Variants in ZFP1 observed in about 807,000 individuals in gnomAD.
The protein encoded by ZFP1 is ZFP1 zinc finger protein, also known as zinc finger protein 1 homolog.
A neutral mutation model predicts 38.5 loss-of-function variants in ZFP1; 32 were observed. The observed-to-expected ratio is 0.83, with a 90% CI of 0.63 to 1.12. The LOEUF is 1.12. Ranked by LOEUF, ZFP1 falls within the 50% of genes most tolerant of loss-of-function variation. The pLI is 0.00. For synonymous variants in ZFP1, 245 were observed against 168.8 expected, an observed-to-expected ratio of 1.45 and a Z score of -3.50; for missense variants, 616 against 480.8, an observed-to-expected ratio of 1.28 and a Z score of -2.63.
At chr16:75,127,752 G>A in the ZFP1 span, 1 of 152,158 alleles carries the variant, frequency 6.6e-6, no homozygotes, top group Admixed American at 6.6e-5. Context: ...TTAACTGCAT[G>A]GACTAAACTA....
chr16:75,127,446 A>G, the ZFP1 span, among the ~76,000 whole-genome samples: 47,876 of 151,920 alleles, frequency 0.32, 7,748 homozygotes, highest in Non-Finnish European at 0.34. Context: ...TCAGTCTCCC[A>G]AGTAGCTGGG....
At chr16:75,133,748 G>T in the ZFP1 span, among the ~76,000 whole-genome samples, 1 of 152,170 alleles carries the variant, frequency 6.6e-6, no homozygotes, top group African/African-American at 2.4e-5. Flanking sequence ...GTACATTTTA[G>T]AATAAGTTTT....
At chr16:75,150,126 A>G (rs2037114996) in intron 1 of ZFP1, among the ~76,000 whole-genome samples, 1 of 151,748 alleles carries the variant, frequency 6.6e-6, no homozygotes. Context: ...AAATTTTTTT[A>G]ACTTCCCTTG....
chr16:75,163,103 T>C (rs1401048850), intron 2 of ZFP1, among the ~76,000 whole-genome samples: 1 of 151,226 alleles, frequency 6.6e-6, no homozygotes, highest in East Asian at 2.0e-4. Context: ...AGAGACGGGG[T>C]TCGCCATGTT....
chr16:75,132,847 A>G, the ZFP1 span, among the ~76,000 whole-genome samples: 297 of 149,454 alleles, frequency 2.0e-3, 3 homozygotes, highest in African/African-American at 7.1e-3. Context: ...TTTAGTAGAG[A>G]TGAAGTTTCA....
At chr16:75,158,041 G>A (rs181600917) in intron 2 of ZFP1, among the ~76,000 whole-genome samples, 87 of 151,936 alleles carry the variant, frequency 5.7e-4, no homozygotes, top group Non-Finnish European at 1.0e-3. Flanking sequence ...GTCTACCTCA[G>A]CCTCCCAAAG....
chr16:75,158,787 ATAT>A (rs1214560725), intron 2 of ZFP1, among the ~76,000 whole-genome samples: 1 of 151,492 alleles, frequency 6.6e-6, no homozygotes, highest in Non-Finnish European at 1.5e-5. Context: ...CACCTCTTTA[ATAT>A]TTTGCATATT....
At chr16:75,167,253 C>T (rs146832326) in intron 3 of ZFP1, among the ~76,000 whole-genome samples, 235 of 152,242 alleles carry the variant, frequency 1.5e-3, no homozygotes, top group Non-Finnish European at 2.6e-3. Context: ...AGTATCCAGA[C>T]GATTATGAGC....
the ZFP1 span, among the ~76,000 whole-genome samples, chr16:75,122,518 A>T: frequency 2.0e-5 from 3 of 152,228 alleles, no homozygotes; most frequent in Non-Finnish European, 4.4e-5. Context: ...TAAACTTTAA[A>T]ATGGAGAATC....
At position 75,172,123 on chromosome 16, in the gene ZFP1, G is replaced by A. The variant is rs2038467898; in HGVS notation, c.*1789G>A. ...TGAATGGTATTTCCTTGAAAAGAAT[G>A]TGTGGGAACAAACTCCAAACTTCTC... On this transcript the variant is annotated 3_prime_UTR_variant, in exon 4 of 4. Transcript: ENST00000570010. 6.6e-6 allele frequency: 1 copy of A among 152,218 alleles called. No individual in the cohort carries two copies. Among genetic ancestry groups the A allele is most frequent in the Non-Finnish European group, 1.5e-5 (1 of 68,036 alleles). 9.4% of individuals were successfully genotyped at this position (152,218 alleles called of 1,614,324 possible).
the ZFP1 span, among the ~76,000 whole-genome samples, chr16:75,138,429 G>C: frequency 6.6e-6 from 1 of 152,142 alleles, no homozygotes; most frequent in South Asian, 2.1e-4. Flanking sequence ...CTTTATAGTG[G>C]AGACACACCT....
At chr16:75,125,084 C>A in the ZFP1 span, among the ~76,000 whole-genome samples, 2 of 151,756 alleles carry the variant, frequency 1.3e-5, no homozygotes, top group South Asian at 2.1e-4. Flanking sequence ...CATGGTGAAA[C>A]CCCATCTGTA....
intron 2 of ZFP1, among the ~76,000 whole-genome samples, chr16:75,164,000 G>A (rs562289825): frequency 6.6e-6 from 1 of 152,170 alleles, no homozygotes; most frequent in Non-Finnish European, 1.5e-5. Flanking sequence ...TTTGTGTGGG[G>A]TATCCATGCT....
At chr16:75,156,975 A>G (rs150341608) in intron 2 of ZFP1, among the ~76,000 whole-genome samples, 5 of 152,208 alleles carry the variant, frequency 3.3e-5, no homozygotes, top group Admixed American at 6.5e-5. Flanking sequence ...GTTGATGACA[A>G]CCCTCAGAAT....
At chr16:75,133,433 G>A in the ZFP1 span, among the ~76,000 whole-genome samples, 4 of 151,986 alleles carry the variant, frequency 2.6e-5, no homozygotes, top group Admixed American at 6.6e-5. Flanking sequence ...ACCCTCCACC[G>A]TCAGATAGAC....
At chr16:75,124,979 G>C in the ZFP1 span, among the ~76,000 whole-genome samples, 2 of 150,602 alleles carry the variant, frequency 1.3e-5, no homozygotes, top group Non-Finnish European at 2.9e-5. Context: ...AAAGAGGAAT[G>C]GGCTGGGCTC....
chr16:75,154,959 C>T (rs1374617072), intron 2 of ZFP1, among the ~76,000 whole-genome samples: 3 of 151,896 alleles, frequency 2.0e-5, no homozygotes, highest in Non-Finnish European at 4.4e-5. Flanking sequence ...CACCATAGCC[C>T]AGCTAATTTT....
chr16:75,138,831 G>A, the ZFP1 span, among the ~76,000 whole-genome samples: 2 of 152,142 alleles, frequency 1.3e-5, no homozygotes, highest in Non-Finnish European at 2.9e-5. Flanking sequence ...TTAGACTTCC[G>A]TTCTCCAGAA....
intron 2 of ZFP1, among the ~76,000 whole-genome samples, chr16:75,156,379 C>A: frequency 6.6e-6 from 1 of 152,162 alleles, no homozygotes; most frequent in East Asian, 1.9e-4. Flanking sequence ...ATCGCTTGAA[C>A]CCAGGAGGTG....
Sources: gnomAD v4.1 joint callset for allele counts (sites outside exome capture counted in the v4.1 genomes callset) on GRCh38, gnomAD v4.1.1 for gene constraint, MANE v1.5 for transcripts, NCBI Gene and HGNC (gene_info 2026-07-23, HGNC 2026-07-21) for gene names.